CFAP69: variants seen among roughly 807,000 people sequenced by gnomAD.
The protein encoded by CFAP69 is cilia and flagella associated protein 69.
In CFAP69, 92 loss-of-function variants were observed where a neutral mutation model predicts 123.0. The observed-to-expected ratio is 0.75, with a 90% CI of 0.63 to 0.89. The LOEUF (loss-of-function observed/expected upper bound fraction) is 0.89, where lower values mean the gene tolerates loss of function less well. Ranked by LOEUF, CFAP69 falls within the 40% of genes least tolerant of loss-of-function variation. The pLI is 0.00. For missense variants in CFAP69, 1,067 were observed against 1,096.9 expected, an observed-to-expected ratio of 0.97 and a Z score of 0.39; for synonymous variants, 380 against 364.3, an observed-to-expected ratio of 1.04 and a Z score of -0.49.
chr7:90,315,574 G>A (rs960084568), downstream of CFAP69, among the ~76,000 whole-genome samples: 2 of 152,072 alleles, frequency 1.3e-5, no homozygotes, highest in Non-Finnish European at 2.9e-5. Context: ...CACAAAATGC[G>A]GAACAACAGG....
Position 90,286,385 on chromosome 7 carries a change from C to T in CFAP69, c.1642C>T (p.His548Tyr), listed in dbSNP as rs1167034186. Residue 548 changes from histidine (H) to tyrosine (Y), a missense_variant, in exon 14 of 23, where the codon CAC becomes TAC. Transcript: ENST00000389297. ...TATCCTATCTGGCCTTTGTGAGAAT[C>T]ACATTCAAAGGAAGGTATGTATGCC... is the stretch of plus-strand genomic sequence containing the variant. ...LLILSGLCENHIQRKEIFGTE... is the reference protein window; with the variant it reads ...LLILSGLCENYIQRKEIFGTE... 1 of 1,611,866 alleles carries T rather than the reference C, an allele frequency of 6.2e-7. No individual in the cohort carries two copies. Among genetic ancestry groups the T allele is most frequent in the Admixed American group, 1.7e-5 (1 of 59,718 alleles).
rs772025587 is a variant in CFAP69 at position 90,307,060 on chromosome 7, T to C, written c.2425T>C (p.Cys809Arg). ...LQSDIIESQA[C>R]QDMQNEQKVY... Reference sequence around the variant, plus strand: ...AAGTGATATAATTGAAAGCCAAGCATGCCAAGACATGCAAAATGAACAAAA... The same window carrying C: ...AAGTGATATAATTGAAAGCCAAGCACGCCAAGACATGCAAAATGAACAAAA... The change falls in exon 20 of 23, where the codon TGC becomes CGC. Residue 809 changes from cysteine to arginine, a missense_variant. Coordinates refer to ENST00000389297, the MANE Select transcript of CFAP69 (RefSeq NM_001039706.3). 9.3e-6 allele frequency: 15 copies of C among 1,611,876 alleles called. No homozygotes were observed. Among genetic ancestry groups the C allele is most frequent in the South Asian group, 5.5e-5 (5 of 90,646 alleles).
At position 90,297,838 on chromosome 7, in the gene CFAP69, T is replaced by A. The variant is rs749220805; in HGVS notation, c.1857+8T>A. ...CTTTTGGATTTGTTAGCAGTAAGTA[T>A]GGCTATAACAATCATAAGACAAAAG... On this transcript the variant is annotated splice_region_variant and intron_variant, in intron 16 of 22. Transcript: ENST00000389297. 3.9e-6 allele frequency: 6 copies of A among 1,546,604 alleles called. No individual in the cohort carries two copies. In the South Asian group the frequency reaches 7.2e-5, roughly 19 times the overall value.
chr7:90,275,626 G>A (rs1788490923), intron 9 of CFAP69, among the ~76,000 whole-genome samples: 1 of 110,226 alleles, frequency 9.1e-6, no homozygotes, highest in Admixed American at 1.3e-4. Flanking sequence ...TTTTGAGACG[G>A]AATCTTGCTC....
At chr7:90,287,806 T>TAG in intron 14 of CFAP69, 1 of 902,162 alleles carries the variant, frequency 1.1e-6, no homozygotes, top group Non-Finnish European at 1.3e-6. Context: ...TTATTAAATG[T>TAG]TTTAACTACA....
At chr7:90,314,038 G>C (rs1462749206), downstream of CFAP69, among the ~76,000 whole-genome samples, 2 of 152,110 alleles carry the variant, frequency 1.3e-5, no homozygotes, top group Admixed American at 1.3e-4. Flanking sequence ...TATAATCCCA[G>C]TCAAACAAAG....
intron 6 of CFAP69, among the ~76,000 whole-genome samples, chr7:90,270,837 T>C (rs375626125): frequency 3.3e-4 from 50 of 152,280 alleles, no homozygotes; most frequent in Non-Finnish European, 6.0e-4. Context: ...AAAGGAGAGA[T>C]AGTATTTCTC....
In CFAP69 at chr7:90,274,068, G is replaced by A; in HGVS notation, c.942G>A (p.Val314=). ...GTCAGCTTAGAAATGACATATTAGT[G>A]ATCACTACAATTATAGCTCAAAATC... ...YDRQLRNDIL[V]ITTIIAQNPE... Residue 314 remains valine (V), a synonymous_variant, in exon 9 of 23, where the codon GTG becomes GTA. Transcript: ENST00000389297. 1.2e-6 allele frequency: 2 copies of A among 1,604,940 alleles called. No individual in the cohort carries two copies. Among genetic ancestry groups the A allele is most frequent in the Non-Finnish European group, 1.7e-6 (2 of 1,176,844 alleles).
chr7:90,279,558 A>C, intron 11 of CFAP69, 119 bp from the exon 12 acceptor site: 1 of 570,288 alleles, frequency 1.8e-6, no homozygotes, highest in Non-Finnish European at 2.9e-6. Context: ...GGGTTATTTT[A>C]TAAAGGAATT....
At chr7:90,300,378 T>C (rs777738186) in intron 17 of CFAP69, 169 of 883,688 alleles carry the variant, frequency 1.9e-4, no homozygotes, top group Non-Finnish European at 2.1e-4. Context: ...TAATATTTCA[T>C]TGAGATGTAA....
intron 13 of CFAP69, among the ~76,000 whole-genome samples, 184 bp from the exon 14 acceptor site, chr7:90,286,096 AT>A (rs1790234767): frequency 6.6e-6 from 1 of 152,288 alleles, no homozygotes. Context: ...GAGCTGAGGA[AT>A]TCAAGATTAG....
At chr7:90,272,226 C>T (rs1800060306) in intron 8 of CFAP69, 3 of 281,350 alleles carry the variant, frequency 1.1e-5, no homozygotes, top group Non-Finnish European at 2.0e-5. Flanking sequence ...TTTAGAAGAA[C>T]TATTTCATTT....
intron 16 of CFAP69, 100 bp downstream of exon 16, chr7:90,297,930 T>C (rs969624387): frequency 1.3e-6 from 1 of 764,416 alleles, no homozygotes; most frequent in African/African-American, 1.9e-5. Context: ...TGAATAAATG[T>C]GCCCCAAATC....
At position 90,307,041 on chromosome 7, in the gene CFAP69, T is replaced by A; in HGVS notation, c.2406T>A (p.Asp802Glu). ...AGATGGTTGCTTCTCTGCAAAGTGA[T>A]ATAATTGAAAGCCAAGCATGCCAAG... ...IGKMVASLQS[D>E]IIESQACQDM... The change falls in exon 20 of 23, where the codon GAT (aspartate) becomes GAA (glutamate). Residue 802 changes from aspartate (D) to glutamate (E), a missense_variant. Coordinates refer to ENST00000389297, the MANE Select transcript of CFAP69 (RefSeq NM_001039706.3). 6.2e-7 allele frequency: 1 copy of A among 1,613,294 alleles called. No individual in the cohort carries two copies.
At chr7:90,298,989 G>A (rs1260371553) in intron 16 of CFAP69, among the ~76,000 whole-genome samples, 1 of 152,094 alleles carries the variant, frequency 6.6e-6, no homozygotes, top group Non-Finnish European at 1.5e-5. Context: ...TATAAAGTAT[G>A]TAATGATAAC....
chr7:90,301,701 G>A (rs1584530619), intron 17 of CFAP69: 1 of 152,080 alleles, frequency 6.6e-6, no homozygotes. Flanking sequence ...GGTGTATATG[G>A]ACCACATTTT....
At chr7:90,250,614 T>C (rs1263337251) in intron 1 of CFAP69, among the ~76,000 whole-genome samples, 1 of 152,226 alleles carries the variant, frequency 6.6e-6, no homozygotes, top group East Asian at 1.9e-4. Context: ...ACTTTTGATC[T>C]TAAAAGGTTT....
chr7:90,282,510 G>A (rs914671610), intron 12 of CFAP69, among the ~76,000 whole-genome samples: 3 of 152,104 alleles, frequency 2.0e-5, no homozygotes, highest in African/African-American at 7.2e-5. Flanking sequence ...GAACCAGAAT[G>A]TTTATTGTAA....
intron 5 of CFAP69, among the ~76,000 whole-genome samples, chr7:90,267,889 C>T (rs972688754): frequency 3.3e-5 from 5 of 152,196 alleles, no homozygotes; most frequent in Admixed American, 1.3e-4. Context: ...TTAATCCTCA[C>T]AACAATCTTA....
Sources: gnomAD v4.1 joint callset for allele counts (sites outside exome capture counted in the v4.1 genomes callset) on GRCh38, gnomAD v4.1.1 for gene constraint, MANE v1.5 for transcripts, NCBI Gene and HGNC (gene_info 2026-07-23, HGNC 2026-07-21) for gene names.